The following PSPH variants were observed in gnomAD, a reference collection of about 807,000 sequenced individuals.
PSPH encodes the protein L-3-phosphoserine phosphatase.
A neutral mutation model predicts 23.4 loss-of-function variants in PSPH; 16 were observed. The ratio of observed to expected loss-of-function variants is 0.68; its 90% CI spans 0.46 to 1.04. The LOEUF is 1.04. Among genes scored for constraint, PSPH ranks in the 50% least tolerant of loss-of-function variants. The pLI, the probability that PSPH is intolerant of heterozygous loss-of-function variation, is 0.00. For missense variants in PSPH, 223 were observed against 273.7 expected (o/e 0.81, Z 1.31); for synonymous variants, 68 against 99.7 (o/e 0.68, Z 1.89).
rs756554508 is a variant in PSPH, at chr7:56,017,241, G to A, written c.414C>T (p.Tyr138=). The part of the protein sequence containing the change: ...TNVFANRLKF[Y]FNGEYAGFDE... ...TTACTGTTAACATCTTACCGTTAAA[G>A]TAGAATTTCAGCCTATTGGCAAATA... is the stretch of plus-strand genomic sequence containing the variant. Residue 138 remains tyrosine (Y), a synonymous_variant, in exon 6 of 8, where the codon TAC becomes TAT. Transcript: ENST00000275605. The A allele has an allele frequency of 2.5e-6, 4 of 1,613,774 alleles. No homozygotes were observed. The African/African-American group carries it at 4.0e-5, about 16-fold the overall frequency.
intron 4 of PSPH, among the ~76,000 whole-genome samples, chr7:56,020,350 G>T (rs1196244141): frequency 7.9e-6 from 1 of 125,982 alleles, no homozygotes; most frequent in Non-Finnish European, 1.6e-5. Flanking sequence ...ATAGTGTCCG[G>T]GTGCAGCAGC....
At chr7:56,046,478 AC>A (rs1658553139) in intron 1 of PSPH, among the ~76,000 whole-genome samples, 1 of 151,990 alleles carries the variant, frequency 6.6e-6, no homozygotes. Context: ...GGATCCTCCC[AC>A]GTTGGCCTTC....
In PSPH at chr7:56,051,214, C is replaced by T. The variant is rs1320667592; in HGVS notation, c.-368G>A. ...TCAAATCTGCCATAGGGGCCTCGGGCCTCAGCAGCATCCAGAGCCCTACGG... is the reference window on the plus strand; with the variant it reads ...TCAAATCTGCCATAGGGGCCTCGGGTCTCAGCAGCATCCAGAGCCCTACGG... On this transcript the variant is annotated 5_prime_UTR_variant, in exon 1 of 8. Transcript: ENST00000275605. 1 of 152,446 alleles carries T rather than the reference C, an allele frequency of 6.6e-6. No individual in the cohort carries two copies. The highest frequency in any genetic ancestry group is 1.9e-4 in the East Asian group (1 of 5,188). 9.4% of individuals were successfully genotyped at this position (152,446 alleles called of 1,614,324 possible). A position where few individuals can be genotyped will look rare whatever the true frequency, so the allele number is the denominator to read the frequency against.
intron 7 of PSPH, 40 bp downstream of exon 7, chr7:56,014,983 A>G: frequency 6.5e-7 from 1 of 1,546,494 alleles, no homozygotes; most frequent in Non-Finnish European, 8.7e-7. Context: ...AATAAAACAA[A>G]AGTACAACCT....
chr7:56,048,049 C>G (rs780552403), intron 1 of PSPH, among the ~76,000 whole-genome samples: 16 of 152,092 alleles, frequency 1.1e-4, no homozygotes, highest in Non-Finnish European at 1.9e-4. Flanking sequence ...GAGGCCAAGG[C>G]AGGCAGATCA....
At chr7:56,013,234 C>G (rs1009096076) in intron 7 of PSPH, among the ~76,000 whole-genome samples, 9 of 149,174 alleles carry the variant, frequency 6.0e-5, no homozygotes, top group Non-Finnish European at 1.3e-4. Context: ...AAATAAAATC[C>G]CTGGCCGGGC....
At chr7:56,023,246 G>T (rs551689783) in intron 3 of PSPH, among the ~76,000 whole-genome samples, 203 of 151,768 alleles carry the variant, frequency 1.3e-3, no homozygotes, top group African/African-American at 4.6e-3. Context: ...AGCTGCAGAG[G>T]ACAGAGAGTC....
intron 7 of PSPH, among the ~76,000 whole-genome samples, chr7:56,013,017 C>CAT (rs1402044964): frequency 1.3e-5 from 2 of 149,672 alleles, no homozygotes; most frequent in African/African-American, 4.9e-5. Flanking sequence ...TATATATATA[C>CAT]ACACATATAC....
intron 1 of PSPH, among the ~76,000 whole-genome samples, chr7:56,038,448 G>A (rs1243204304): frequency 1.3e-5 from 2 of 151,984 alleles, no homozygotes; most frequent in Non-Finnish European, 2.9e-5. Flanking sequence ...GATAAAGCGA[G>A]ACTCCGTCTA....
chr7:56,043,654 C>G (rs1245294465), intron 1 of PSPH, among the ~76,000 whole-genome samples: 1 of 126,702 alleles, frequency 7.9e-6, no homozygotes, highest in African/African-American at 2.9e-5. Flanking sequence ...CCTCCCCCCA[C>G]CCACCCCAAC....
At chr7:56,022,801 G>A (rs1386998351) in intron 3 of PSPH, among the ~76,000 whole-genome samples, 1 of 152,228 alleles carries the variant, frequency 6.6e-6, no homozygotes, top group Admixed American at 6.5e-5. Flanking sequence ...GCTCACGCCT[G>A]TAATCCCAGC....
Position 56,011,807 on chromosome 7 carries a change from C to T in PSPH, c.633G>A (p.Trp211Ter). The change falls in exon 8 of 8, where the codon TGG becomes TGA. Residue 211 changes from tryptophan (W) to a stop codon, truncating the protein, a stop_gained. Coordinates refer to ENST00000275605, the MANE Select transcript of PSPH (RefSeq NM_004577.4). LOFTEE classifies it high-confidence loss of function. Reference sequence around the variant, plus strand: ...GCAGCTCTACAAAATCAGTGATATACCATTTGGCGTTATCCTTGACTTGTT... The same window carrying T: ...GCAGCTCTACAAAATCAGTGATATATCATTTGGCGTTATCCTTGACTTGTT... The part of the protein sequence containing the change: ...IRQQVKDNAK[W>*]YITDFVELLG... 3 of 1,613,594 alleles carry T rather than the reference C, an allele frequency of 1.9e-6. No individual in the cohort carries two copies. The highest frequency in any genetic ancestry group is 1.7e-6 in the Non-Finnish European group (2 of 1,179,628).
At chr7:56,017,825 C>A (rs567822556) in intron 5 of PSPH, among the ~76,000 whole-genome samples, 1 of 150,560 alleles carries the variant, frequency 6.6e-6, no homozygotes, top group Admixed American at 6.7e-5. Flanking sequence ...AGGGTTCAAG[C>A]GATTCTCTTG....
intron 7 of PSPH, among the ~76,000 whole-genome samples, chr7:56,013,660 G>A (rs1788228907): frequency 6.6e-6 from 1 of 152,022 alleles, no homozygotes; most frequent in Non-Finnish European, 1.5e-5. Flanking sequence ...GAGCCCAGAA[G>A]TTCAGGGCTG....
chr7:56,015,951 AC>A (rs1788499878), intron 6 of PSPH, among the ~76,000 whole-genome samples: 1 of 151,810 alleles, frequency 6.6e-6, no homozygotes, highest in Admixed American at 6.6e-5. Flanking sequence ...GAGCCACCAC[AC>A]CCAGCCTTAA....
chr7:56,043,617 G>A (rs1226274133), intron 1 of PSPH, among the ~76,000 whole-genome samples: 3 of 151,948 alleles, frequency 2.0e-5, no homozygotes, highest in African/African-American at 4.8e-5. Context: ...AGGAGTTCGA[G>A]ACCAGCCTGG....
At chr7:56,035,479 TA>T (rs1283220981) in intron 1 of PSPH, among the ~76,000 whole-genome samples, 3 of 151,968 alleles carry the variant, frequency 2.0e-5, no homozygotes, top group Non-Finnish European at 4.4e-5. Context: ...CTCAAAAACA[TA>T]ACCTGAAACC....
intron 6 of PSPH, among the ~76,000 whole-genome samples, chr7:56,015,999 C>T (rs2116533608): frequency 6.6e-6 from 1 of 152,168 alleles, no homozygotes; most frequent in Admixed American, 6.6e-5. Context: ...TTATGTCACC[C>T]AAGAGGAAAT....
intron 3 of PSPH, among the ~76,000 whole-genome samples, chr7:56,026,374 G>C (rs1415705251): frequency 6.6e-6 from 1 of 151,280 alleles, no homozygotes; most frequent in East Asian, 2.0e-4. Flanking sequence ...TACTTGGGAC[G>C]GAGAGGCGGG....
Sources: gnomAD v4.1 joint callset for allele counts (sites outside exome capture counted in the v4.1 genomes callset) on GRCh38, gnomAD v4.1.1 for gene constraint, MANE v1.5 for transcripts, NCBI Gene and HGNC (gene_info 2026-07-23, HGNC 2026-07-21) for gene names.